Variants in CDH4 observed in about 807,000 individuals in gnomAD.
CDH4 encodes cadherin-4.
Under a neutral mutation model 86.0 loss-of-function variants are expected in CDH4, and 33 were observed. That is an observed-to-expected ratio of 0.38 (90% CI 0.29 to 0.51). The LOEUF is 0.51. CDH4 is among the 20% of genes least tolerant of loss of function. The probability of loss-of-function intolerance (pLI) is 0.86; values close to 1 mark genes in which losing one functional copy is unlikely to be tolerated. For missense variants in CDH4, 1,114 were observed against 1,307.4 expected (o/e 0.85, Z 2.28); for synonymous variants, 555 against 549.4 (o/e 1.01, Z -0.14).
At chr20:61,330,296 G>T (rs1416823562) in intron 2 of CDH4, among the ~76,000 whole-genome samples, 1 of 152,136 alleles carries the variant, frequency 6.6e-6, no homozygotes, top group Non-Finnish European at 1.5e-5. Context: ...TCATCACACT[G>T]TCTTCCACAA....
chr20:61,686,402 T>C (rs2087573737), intron 2 of CDH4, among the ~76,000 whole-genome samples: 1 of 151,520 alleles, frequency 6.6e-6, no homozygotes, highest in Non-Finnish European at 1.5e-5. Context: ...TGCATTCACG[T>C]GTGTATGTGC....
At chr20:61,885,056 G>C (rs777240382) in intron 7 of CDH4, among the ~76,000 whole-genome samples, 2 of 152,136 alleles carry the variant, frequency 1.3e-5, no homozygotes, top group Non-Finnish European at 2.9e-5. Context: ...CCACCAGCTC[G>C]GTGATCCATG....
intron 9 of CDH4, among the ~76,000 whole-genome samples, chr20:61,911,969 G>C (rs149165919): frequency 2.0e-5 from 3 of 152,196 alleles, no homozygotes; most frequent in African/African-American, 7.2e-5. Flanking sequence ...AGTCTGAGGT[G>C]GGCAGTTGGG....
chr20:61,862,196 C>T (rs1009945410), intron 6 of CDH4, among the ~76,000 whole-genome samples: 17 of 152,168 alleles, frequency 1.1e-4, no homozygotes, highest in Non-Finnish European at 1.9e-4. Context: ...CCTTGACACC[C>T]GGAGAGTCAC....
At chr20:61,556,822 G>A (rs2145681424) in intron 2 of CDH4, among the ~76,000 whole-genome samples, 1 of 152,262 alleles carries the variant, frequency 6.6e-6, no homozygotes, top group Non-Finnish European at 1.5e-5. Context: ...CAAGGAGGGT[G>A]AAAGGGAGCT....
chr20:61,534,181 A>G (rs1376801505), intron 2 of CDH4, among the ~76,000 whole-genome samples: 1 of 152,216 alleles, frequency 6.6e-6, no homozygotes, highest in Non-Finnish European at 1.5e-5. Flanking sequence ...TCTGTGCATT[A>G]TGTAAAATTC....
intron 4 of CDH4, among the ~76,000 whole-genome samples, chr20:61,837,450 C>T (rs13040952): frequency 0.41 from 62,892 of 152,108 alleles, 15,989 homozygotes; most frequent in Non-Finnish European, 0.58. Flanking sequence ...CGTGAACCTT[C>T]GTCACATCCC....
At chr20:61,340,811 C>T (rs553020861) in intron 2 of CDH4, among the ~76,000 whole-genome samples, 30 of 152,218 alleles carry the variant, frequency 2.0e-4, no homozygotes, top group African/African-American at 7.2e-4. Flanking sequence ...TTTCTTAGCC[C>T]ACTGGGTTGA....
At chr20:61,450,994 T>C (rs1210043077) in intron 2 of CDH4, among the ~76,000 whole-genome samples, 2 of 151,956 alleles carry the variant, frequency 1.3e-5, no homozygotes, top group Non-Finnish European at 2.9e-5. Flanking sequence ...ACAGTCCGTT[T>C]GTGAGGAAGT....
rs1453921610 is a variant in CDH4, at chr20:61,754,494, G to A, written c.396+10705G>A. Among the ~76,000 whole-genome samples the A allele has an allele frequency of 3.3e-5, 5 of 152,122 alleles. No individual in the cohort carries two copies. The highest frequency in any genetic ancestry group is 1.2e-4 in the African/African-American group (5 of 41,406). ...TGCCCCTGCTGTCCCCCTGCCCACT[G>A]CAGGCTCCACAGGGCTTGGGGTGTC... On this transcript the variant is annotated intron_variant, in intron 3 of 15. Transcript: ENST00000614565. This position sits in a 1 kb window ranked among gnomAD's most constrained non-coding sequence, Gnocchi z 4.7.
At chr20:61,692,649 G>A (rs766713096) in intron 2 of CDH4, among the ~76,000 whole-genome samples, 4 of 152,160 alleles carry the variant, frequency 2.6e-5, no homozygotes, top group Non-Finnish European at 4.4e-5. Flanking sequence ...CCCCAGGCAC[G>A]GAAGTGTGAT....
intron 4 of CDH4, among the ~76,000 whole-genome samples, chr20:61,797,837 CTGGCGGAGAA>C (rs1325619854): frequency 6.6e-6 from 1 of 152,192 alleles, no homozygotes; most frequent in Non-Finnish European, 1.5e-5. Context: ...CACTGAGGTT[CTGGCGGAGAA>C]GCCCAGGCGG....
At chr20:61,343,924 TA>T (rs568582860) in intron 2 of CDH4, among the ~76,000 whole-genome samples, 10 of 149,280 alleles carry the variant, frequency 6.7e-5, no homozygotes, top group South Asian at 4.2e-4. Flanking sequence ...GGGCCAAGAT[TA>T]AAAAAAAAAT....
intron 2 of CDH4, among the ~76,000 whole-genome samples, chr20:61,733,444 C>A (rs556870703): frequency 6.6e-6 from 1 of 152,146 alleles, no homozygotes; most frequent in East Asian, 1.9e-4. Context: ...TCTGCTCCCC[C>A]GGTCACAGAG....
chr20:61,695,600 C>T (rs369775598), intron 2 of CDH4, among the ~76,000 whole-genome samples: 4 of 152,112 alleles, frequency 2.6e-5, no homozygotes, highest in African/African-American at 4.8e-5. Context: ...TTCCACATGG[C>T]GGTGCTTTTG....
chr20:61,267,114 G>C (rs1226489767), intron 2 of CDH4, among the ~76,000 whole-genome samples: 1 of 152,206 alleles, frequency 6.6e-6, no homozygotes, highest in Non-Finnish European at 1.5e-5. Context: ...CAGAGAGAGA[G>C]AGCAGCCCTG....
At chr20:61,498,482 G>C (rs2145596918) in intron 2 of CDH4, among the ~76,000 whole-genome samples, 1 of 152,274 alleles carries the variant, frequency 6.6e-6, no homozygotes, top group Middle Eastern at 3.4e-3. Context: ...TCTACTCACT[G>C]CTGAATTTTT....
chr20:61,672,777 A>G (rs2087404854), intron 2 of CDH4, among the ~76,000 whole-genome samples: 1 of 152,104 alleles, frequency 6.6e-6, no homozygotes, highest in Admixed American at 6.5e-5. Context: ...CATCCCTGGG[A>G]ACCCGACGGG....
At position 61,875,878 on chromosome 20, in the gene CDH4, T is replaced by G. The variant is rs561352739; in HGVS notation, c.1050+1978T>G. Among the ~76,000 whole-genome samples the G allele has an allele frequency of 7.2e-5, 11 of 152,286 alleles. No homozygotes were observed. The East Asian group carries it at 1.9e-3, about 27-fold the overall frequency. ...CAGATACCGTCCCCCATCTCCTCTG[T>G]AGCCTGGGGTCCCCCGCCTGCCCTG... is the stretch of plus-strand genomic sequence containing the variant. On this transcript the variant is annotated intron_variant, in intron 7 of 15. Transcript: ENST00000614565.
Sources: allele counts gnomAD v4.1 joint callset (sites outside exome capture counted in the v4.1 genomes callset), GRCh38; gene constraint gnomAD v4.1.1; non-coding constraint Gnocchi (gnomAD v3.1); transcripts MANE v1.5; gene names NCBI Gene and HGNC (gene_info 2026-07-23, HGNC 2026-07-21).